Variants in GREB1L observed in about 807,000 individuals in gnomAD.
The protein encoded by GREB1L is GREB1-like protein.
GREB1L carries 17 observed loss-of-function variants against 200.8 expected under a neutral mutation model. The ratio of observed to expected loss-of-function variants is 0.08; its 90% CI spans 0.06 to 0.13. The LOEUF is 0.13. GREB1L is among the 10% of genes least tolerant of loss of function. The probability of loss-of-function intolerance (pLI) is 1.00; values close to 1 mark genes in which losing one functional copy is unlikely to be tolerated. For missense variants in GREB1L, 1,657 were observed against 2,367.7 expected (o/e 0.70, Z 6.23); for synonymous variants, 789 against 893.0 (o/e 0.88, Z 2.08).
intron 2 of GREB1L, among the ~76,000 whole-genome samples, chr18:21,368,176 A>G (rs2039744418): frequency 6.6e-6 from 1 of 152,206 alleles, no homozygotes; most frequent in East Asian, 1.9e-4. Context: ...ATTTTTGATA[A>G]TCACTCGTGT....
chr18:21,490,461 T>A, intron 19 of GREB1L, 110 bp downstream of exon 19: 1 of 833,390 alleles, frequency 1.2e-6, no homozygotes, highest in Non-Finnish European at 1.9e-6. Flanking sequence ...CATGTGTGAT[T>A]CCATGACAAT....
chr18:21,504,907 G>A (rs751081043), intron 23 of GREB1L, among the ~76,000 whole-genome samples: 6 of 152,086 alleles, frequency 3.9e-5, no homozygotes, highest in East Asian at 1.9e-4. Context: ...ACTCTGAGGC[G>A]CCTTAAACAA....
At chr18:21,290,142 G>A (rs2038423997) in intron 1 of GREB1L, among the ~76,000 whole-genome samples, 1 of 152,142 alleles carries the variant, frequency 6.6e-6, no homozygotes, top group Non-Finnish European at 1.5e-5. Flanking sequence ...AAATATAACA[G>A]TAGATAGAAC....
chr18:21,399,599 T>G (rs1387286065), intron 5 of GREB1L, among the ~76,000 whole-genome samples: 1 of 152,168 alleles, frequency 6.6e-6, no homozygotes, highest in Non-Finnish European at 1.5e-5. Context: ...TTTAAGGTAT[T>G]GGACAAATAG....
At chr18:21,481,473 G>A (rs879651486) in intron 17 of GREB1L, among the ~76,000 whole-genome samples, 37,038 of 139,514 alleles carry the variant, frequency 0.27, 6,305 homozygotes, top group African/African-American at 0.45. Context: ...GTGTGTGTGT[G>A]TGTGTATATA....
intron 1 of GREB1L, among the ~76,000 whole-genome samples, chr18:21,252,510 T>C (rs550374193): frequency 1.5e-5 from 2 of 135,324 alleles, no homozygotes; most frequent in African/African-American, 2.9e-5. Context: ...TGAGCCGAGA[T>C]CGCACCATTG....
chr18:21,289,738 G>A (rs777039477), intron 1 of GREB1L, among the ~76,000 whole-genome samples: 1 of 152,208 alleles, frequency 6.6e-6, no homozygotes, highest in Non-Finnish European at 1.5e-5. Context: ...TACAGTCACT[G>A]TGATAATCTG....
chr18:21,513,224 A>C (rs2037302825), intron 27 of GREB1L, among the ~76,000 whole-genome samples: 1 of 152,204 alleles, frequency 6.6e-6, no homozygotes, highest in Non-Finnish European at 1.5e-5. Context: ...CTCTTCTCTT[A>C]ATCTCTATAC....
At chr18:21,444,174 G>A in intron 10 of GREB1L, 50 bp from the exon 11 acceptor site, 1 of 1,352,458 alleles carries the variant, frequency 7.4e-7, no homozygotes, top group Non-Finnish European at 1.0e-6. Context: ...TACCTGGTTG[G>A]ACCATAAAAA....
intron 1 of GREB1L, among the ~76,000 whole-genome samples, chr18:21,245,711 T>G (rs750843799): frequency 3.9e-5 from 6 of 151,948 alleles, no homozygotes; most frequent in Non-Finnish European, 7.4e-5. Context: ...TGTTTTGTTT[T>G]GTTTTGTTTT....
intron 1 of GREB1L, among the ~76,000 whole-genome samples, chr18:21,277,078 A>G (rs1241584518): frequency 6.6e-6 from 1 of 151,596 alleles, no homozygotes; most frequent in African/African-American, 2.4e-5. Flanking sequence ...GCAGGCACCC[A>G]CCACCACGCC....
At chr18:21,515,129 G>A (rs886343734) in intron 28 of GREB1L, among the ~76,000 whole-genome samples, 1 of 152,046 alleles carries the variant, frequency 6.6e-6, no homozygotes, top group South Asian at 2.1e-4. Flanking sequence ...TCCAACCTCC[G>A]GCTACCTCTT....
Position 21,499,761 on chromosome 18 carries a change from A to G in GREB1L, c.3424A>G (p.Ser1142Gly). 1.3e-6 allele frequency: 2 copies of G among 1,552,096 alleles called. No individual in the cohort carries two copies. Among genetic ancestry groups the G allele is most frequent in the East Asian group, 2.4e-5 (1 of 40,924 alleles). The change falls in exon 22 of 33, where the codon AGC becomes GGC. Residue 1142 changes from serine (S) to glycine (G), a missense_variant. Ser to Gly is a moderately conservative substitution (Grantham distance 56). Around this residue, in one of 9 missense-constraint regions of GREB1L, gnomAD observed 512 missense variants for 668.3 expected, o/e 0.77. Coordinates refer to ENST00000424526, the MANE Select transcript of GREB1L (RefSeq NM_001142966.3). Reference sequence around the variant, plus strand: ...CATGGAGAATGGAGTGAGCTCTTCCAGCACAGCTGACAAGTCCCAGAAGCA... The same window carrying G: ...CATGGAGAATGGAGTGAGCTCTTCCGGCACAGCTGACAAGTCCCAGAAGCA... ...SIMENGVSSS[S>G]TADKSQKQSL...
At chr18:21,307,883 G>A (rs1249422764) in intron 1 of GREB1L, among the ~76,000 whole-genome samples, 1 of 150,696 alleles carries the variant, frequency 6.6e-6, no homozygotes, top group Non-Finnish European at 1.5e-5. Flanking sequence ...TGGGGTTCCT[G>A]TAATCAATCC....
intron 7 of GREB1L, among the ~76,000 whole-genome samples, chr18:21,412,351 C>T (rs1377360741): frequency 1.3e-5 from 2 of 151,876 alleles, no homozygotes; most frequent in Non-Finnish European, 2.9e-5. Flanking sequence ...AGGTCAAGGC[C>T]GCAGTGAGCT....
chr18:21,476,647 G>A (rs769893264), intron 16 of GREB1L, among the ~76,000 whole-genome samples: 1 of 151,666 alleles, frequency 6.6e-6, no homozygotes, highest in South Asian at 2.1e-4. Context: ...TCTGCTCACC[G>A]CCACCTCCTC....
In GREB1L at chr18:21,490,027, C is replaced by A; in HGVS notation, c.2706C>A (p.His902Gln). 2 of 1,551,472 alleles carry A rather than the reference C, an allele frequency of 1.3e-6. No homozygotes were observed. Among genetic ancestry groups the A allele is most frequent in the Non-Finnish European group, 1.7e-6 (2 of 1,146,864 alleles). The part of the protein sequence containing the change: ...NTLLERYPRL[H>Q]SMVVRCYLLI... ...TCTGTTGAAGGTACCCCAGGCTGCA[C>A]AGCATGGTCGTCCGCTGCTATCTTC... Residue 902 changes from histidine (H) to glutamine (Q), a missense_variant, in exon 19 of 33, where the codon CAC becomes CAA. Around this residue, in one of 9 missense-constraint regions of GREB1L, gnomAD observed 82 missense variants for 95.9 expected, o/e 0.85. Transcript: ENST00000424526.
At chr18:21,390,528 GTTTGTT>G (rs559660656) in intron 4 of GREB1L, among the ~76,000 whole-genome samples, 267 of 152,188 alleles carry the variant, frequency 1.8e-3, no homozygotes, top group African/African-American at 3.7e-3. Flanking sequence ...TTGTTTGTTT[GTTTGTT>G]TTTGTTTTTG....
In GREB1L at chr18:21,503,031, C is replaced by A. The variant is rs1197821410; in HGVS notation, c.4073-2381C>A. 2.6e-5 allele frequency among the ~76,000 whole-genome samples: 4 copies of A among 152,236 alleles called. No individual in the cohort carries two copies. The East Asian group carries it at 7.7e-4, about 29-fold the overall frequency. ...AGGCACAATGACACCTTTTTAAAAACTAAACTAGGCTTGAAAGTGCAGACT... is the reference window on the plus strand; with the variant it reads ...AGGCACAATGACACCTTTTTAAAAAATAAACTAGGCTTGAAAGTGCAGACT... On this transcript the variant is annotated intron_variant, in intron 23 of 32. Coordinates refer to ENST00000424526, the MANE Select transcript of GREB1L (RefSeq NM_001142966.3).
Sources: allele counts gnomAD v4.1 joint callset (sites outside exome capture counted in the v4.1 genomes callset), GRCh38; gene constraint gnomAD v4.1.1; regional missense constraint gnomAD v4.1.1; transcripts MANE v1.5; gene names NCBI Gene and HGNC (gene_info 2026-07-23, HGNC 2026-07-21).